The following SLC45A3 variants were observed in gnomAD, a reference collection of about 807,000 sequenced individuals.
SLC45A3 encodes prostate cancer associated protein 2.
SLC45A3 carries 17 observed loss-of-function variants against 35.3 expected under a neutral mutation model. That is an observed-to-expected ratio of 0.48 (90% CI 0.33 to 0.72). The LOEUF is 0.72. Among genes scored for constraint, SLC45A3 ranks in the 30% least tolerant of loss-of-function variants. SLC45A3 has a pLI of 0.02. For missense variants in SLC45A3, 597 were observed against 731.7 expected (o/e 0.82, Z 2.12); for synonymous variants, 288 against 334.3 (o/e 0.86, Z 1.51).
intron 1 of SLC45A3, among the ~76,000 whole-genome samples, chr1:205,674,324 C>A (rs111337602): frequency 0.01 from 1,582 of 152,212 alleles, 30 homozygotes; most frequent in African/African-American, 0.036. Context: ...CAGTGGCTCA[C>A]GCCTGTAATC....
chr1:205,664,605 G>A lies in SLC45A3; in HGVS notation c.52C>T (p.Leu18Phe), dbSNP rs1467633392. 6.2e-7 allele frequency: 1 copy of A among 1,614,284 alleles called. No homozygotes were observed. Residue 18 changes from leucine to phenylalanine, a missense_variant, in exon 2 of 5, where the codon CTC becomes TTC. Physicochemically the swap from Leu to Phe is conservative, Grantham distance 22. Around this residue, in one of 3 missense-constraint regions of SLC45A3, gnomAD observed 37 missense variants for 41.1 expected, o/e 0.90. Transcript: ENST00000367145. This position sits in a 1 kb window ranked among gnomAD's most constrained non-coding sequence, Gnocchi z 5.3. The stretch of plus-strand genomic sequence containing the variant: ...AAGGTTAGCAGGTTGACCAGCAAGA[G>A]CTGGGCTTTCCGGTGCCGCAGCAGG... ...SRLLRHRKAQ[L>F]LLVNLLTFGL...
At position 205,673,519 on chromosome 1, in the gene SLC45A3, T is replaced by C. The variant is rs112429504; in HGVS notation, c.-231+6875A>G. 3.4e-3 allele frequency among the ~76,000 whole-genome samples: 523 copies of C among 152,240 alleles called. 1 individual carries two copies. The highest frequency in any genetic ancestry group is 0.012 in the African/African-American group (501 of 41,534). On this transcript the variant is annotated intron_variant, in intron 1 of 4. Coordinates refer to ENST00000367145, the MANE Select transcript of SLC45A3 (RefSeq NM_033102.3). Reference sequence around the variant, plus strand: ...GTCTTCCCTTTAGCCTGGCCTCCCTTAGGAGGTGAGGTATACAGGAAAGAG... The same window carrying C: ...GTCTTCCCTTTAGCCTGGCCTCCCTCAGGAGGTGAGGTATACAGGAAAGAG...
At chr1:205,675,329 G>A (rs1040228263) in intron 1 of SLC45A3, among the ~76,000 whole-genome samples, 2 of 152,166 alleles carry the variant, frequency 1.3e-5, no homozygotes, top group South Asian at 4.1e-4. Flanking sequence ...TGGGGAGAAG[G>A]CTTCTAGTTT....
rs1571528110 is a variant in SLC45A3, at chr1:205,658,643, G to C, written c.*591C>G. 4 of 232,298 alleles carry C rather than the reference G, an allele frequency of 1.7e-5. No homozygotes were observed. The East Asian group carries it at 2.4e-4, about 14-fold the overall frequency. 14.4% of individuals were successfully genotyped at this position (232,298 alleles called of 1,614,324 possible). ...CAGGCCACATCCTGATAAAAGGTAA[G>C]AGGGGGGTGGATCAGCAAAAAGACA... On this transcript the variant is annotated 3_prime_UTR_variant, in exon 5 of 5. Coordinates refer to ENST00000367145, the MANE Select transcript of SLC45A3 (RefSeq NM_033102.3).
rs1232074164 is a variant in SLC45A3 at position 205,669,747 on chromosome 1, A to T, written c.-230-4861T>A. Reference sequence around the variant, plus strand: ...CTCAGAAGCGGCTCCTCTCCCCTTCACAGCCACCCCGCAGCCCTCCCCACA... The same window carrying T: ...CTCAGAAGCGGCTCCTCTCCCCTTCTCAGCCACCCCGCAGCCCTCCCCACA... On this transcript the variant is annotated intron_variant, in intron 1 of 4. Transcript: ENST00000367145. The surrounding 1 kb of genome is among the most constrained non-coding windows in gnomAD (Gnocchi z 4.1). 2.0e-5 allele frequency among the ~76,000 whole-genome samples: 3 copies of T among 151,998 alleles called. No homozygotes were observed. Among genetic ancestry groups the T allele is most frequent in the African/African-American group, 4.8e-5 (2 of 41,366 alleles).
intron 4 of SLC45A3, among the ~76,000 whole-genome samples, chr1:205,661,521 A>T (rs1001619201): frequency 5.3e-5 from 8 of 152,108 alleles, no homozygotes; most frequent in African/African-American, 1.9e-4. Context: ...CCCAGGGGTC[A>T]TCTGATTCAG....
chr1:205,657,997 C>T lies in SLC45A3; in HGVS notation c.*1237G>A, dbSNP rs1388356470. 1 of 226,824 alleles carries T rather than the reference C, an allele frequency of 4.4e-6. No homozygotes were observed. The highest frequency in any genetic ancestry group is 1.8e-4 in the South Asian group (1 of 5,478). 14.1% of individuals were successfully genotyped at this position (226,824 alleles called of 1,614,324 possible). A position where few individuals can be genotyped will look rare whatever the true frequency, so the allele number is the denominator to read the frequency against. On this transcript the variant is annotated 3_prime_UTR_variant, in exon 5 of 5. Coordinates refer to ENST00000367145, the MANE Select transcript of SLC45A3 (RefSeq NM_033102.3). ...AACCCCCCCTGAGAGATAAGACCTCCCTTAGCTCAGGCAGGGGGTGCTCCT... is the reference window on the plus strand; with the variant it reads ...AACCCCCCCTGAGAGATAAGACCTCTCTTAGCTCAGGCAGGGGGTGCTCCT...
chr1:205,658,686 G>T lies in SLC45A3; in HGVS notation c.*548C>A, dbSNP rs182020186. 4.2e-6 allele frequency: 1 copy of T among 235,482 alleles called. No individual in the cohort carries two copies. Among genetic ancestry groups the T allele is most frequent in the East Asian group, 6.0e-5 (1 of 16,576 alleles). 14.6% of individuals were successfully genotyped at this position (235,482 alleles called of 1,614,324 possible). ...AAAAGACAGTGCTGTGGGCTGAGGG[G>T]ACCTGGTTCTTGTGTGTTGCCCCTC... On this transcript the variant is annotated 3_prime_UTR_variant, in exon 5 of 5. Transcript: ENST00000367145.
At chr1:205,675,752 C>T (rs1671299480) in intron 1 of SLC45A3, among the ~76,000 whole-genome samples, 1 of 152,158 alleles carries the variant, frequency 6.6e-6, no homozygotes, top group Non-Finnish European at 1.5e-5. Context: ...CTTCCCCTTC[C>T]TGGACTGCCT....
chr1:205,664,507 C>A lies in SLC45A3; in HGVS notation c.150G>T (p.Glu50Asp), dbSNP rs972490799. ...CACCCAGCACCATGGTCATGAACTT[C>A]TCCTCTACCCCCACTTCCAGCAGCA... ...PPLLLEVGVE[E>D]KFMTMVLGIG... The change falls in exon 2 of 5, where the codon GAG (glutamate) becomes GAT (aspartate). Residue 50 changes from glutamate to aspartate, a missense_variant. Glu to Asp is a conservative substitution (Grantham distance 45). Around this residue, in one of 3 missense-constraint regions of SLC45A3, gnomAD observed 5 missense variants for 25.6 expected, o/e 0.20. Transcript: ENST00000367145. This position sits in a 1 kb window ranked among gnomAD's most constrained non-coding sequence, Gnocchi z 5.3. The A allele has an allele frequency of 6.2e-7, 1 of 1,614,082 alleles. No homozygotes were observed. The highest frequency in any genetic ancestry group is 8.5e-7 in the Non-Finnish European group (1 of 1,180,034).
chr1:205,674,590 T>G (rs1473787221), intron 1 of SLC45A3, among the ~76,000 whole-genome samples: 1 of 109,884 alleles, frequency 9.1e-6, no homozygotes, highest in Admixed American at 1.0e-4. Flanking sequence ...CCATCCAAAA[T>G]TGATGCTGTT....
At chr1:205,671,078 G>T (rs1035806669) in intron 1 of SLC45A3, among the ~76,000 whole-genome samples, 9 of 152,178 alleles carry the variant, frequency 5.9e-5, no homozygotes, top group African/African-American at 2.2e-4. Context: ...AGGGACAGAG[G>T]GGCAGTCCCT....
chr1:205,673,050 C>T (rs918101187), intron 1 of SLC45A3, among the ~76,000 whole-genome samples: 5 of 152,228 alleles, frequency 3.3e-5, no homozygotes, highest in East Asian at 1.9e-4. Flanking sequence ...ACACCCCAGC[C>T]GCACTTACCC....
At position 205,678,491 on chromosome 1, in the gene SLC45A3, C is replaced by A. The variant is rs148712875; in HGVS notation, c.-231+1903G>T. 7.1e-3 allele frequency among the ~76,000 whole-genome samples: 1,085 copies of A among 152,220 alleles called. 19 individuals carry two copies. Among genetic ancestry groups the A allele is most frequent in the African/African-American group, 0.024 (1,014 of 41,550 alleles). On this transcript the variant is annotated intron_variant, in intron 1 of 4. Coordinates refer to ENST00000367145, the MANE Select transcript of SLC45A3 (RefSeq NM_033102.3). Reference sequence around the variant, plus strand: ...GGGTAAGGGGAGAGCTGGAGAGAGGCCTCCACTATCCCTCCACCACCCAGT... The same window carrying A: ...GGGTAAGGGGAGAGCTGGAGAGAGGACTCCACTATCCCTCCACCACCCAGT...
At position 205,659,508 on chromosome 1, in the gene SLC45A3, G is replaced by A; in HGVS notation, c.1388C>T (p.Ala463Val). The change falls in exon 5 of 5, where the codon GCC (alanine) becomes GTC (valine). Residue 463 changes from alanine to valine, a missense_variant. Around this residue, in one of 3 missense-constraint regions of SLC45A3, gnomAD observed 555 missense variants for 664.9 expected, o/e 0.83. Coordinates refer to ENST00000367145, the MANE Select transcript of SLC45A3 (RefSeq NM_033102.3). This position sits in a 1 kb window ranked among gnomAD's most constrained non-coding sequence, Gnocchi z 5.8. ...LLPPPPALCG[A>V]SACDVSVRVV... ...ACGTACGGAGACATCACAGGCAGAG[G>A]CCCCGCAGAGCGCGGGTGGAGGTGG... The A allele has an allele frequency of 6.2e-7, 1 of 1,612,658 alleles. No homozygotes were observed. The highest frequency in any genetic ancestry group is 8.5e-7 in the Non-Finnish European group (1 of 1,179,100).
Position 205,662,505 on chromosome 1 carries a change from G to A in SLC45A3, c.958+328C>T. On this transcript the variant is annotated intron_variant, in intron 3 of 4. Transcript: ENST00000367145. This position sits in a 1 kb window ranked among gnomAD's most constrained non-coding sequence, Gnocchi z 6.2. ...TTGGAAAGTCGTTGGGGGAGCAGAG[G>A]GCACACTGCGGCTGGAACCAGGCAG... 7.8e-7 allele frequency: 1 copy of A among 1,287,518 alleles called. No individual in the cohort carries two copies. Among genetic ancestry groups the A allele is most frequent in the Non-Finnish European group, 9.8e-7 (1 of 1,018,330 alleles). The allele number at this position is 1,287,518 out of a possible 1,614,324, so 79.8% of individuals were successfully genotyped here.
chr1:205,680,134 G>C (rs1671381145), intron 1 of SLC45A3, among the ~76,000 whole-genome samples: 1 of 151,048 alleles, frequency 6.6e-6, no homozygotes, highest in African/African-American at 2.4e-5. Context: ...CTGCCTGCCC[G>C]CCCTCCGCGG....
At position 205,662,252 on chromosome 1, in the gene SLC45A3, C is replaced by A; in HGVS notation, c.959-126G>T. The A allele has an allele frequency of 6.9e-7, 1 of 1,444,896 alleles. No individual in the cohort carries two copies. The allele number at this position is 1,444,896 out of a possible 1,614,324, so 89.5% of individuals were successfully genotyped here. A position where few individuals can be genotyped will look rare whatever the true frequency, so the allele number is the denominator to read the frequency against. ...ACCTGCTGTGGACCAGCCCTGCTCC[C>A]CAGCACCCTTCCCCTTTCTACCTCT... On this transcript the variant is annotated intron_variant, in intron 3 of 4. Coordinates refer to ENST00000367145, the MANE Select transcript of SLC45A3 (RefSeq NM_033102.3). The surrounding 1 kb of genome is among the most constrained non-coding windows in gnomAD (Gnocchi z 6.2).
In SLC45A3 at chr1:205,674,662, T is replaced by A. The variant is rs190472091; in HGVS notation, c.-231+5732A>T. Among the ~76,000 whole-genome samples, 29 of 151,810 alleles carry A rather than the reference T, an allele frequency of 1.9e-4. 1 individual carries two copies. Among genetic ancestry groups the A allele is most frequent in the African/African-American group, 6.3e-4 (26 of 41,416 alleles). On this transcript the variant is annotated intron_variant, in intron 1 of 4. Transcript: ENST00000367145. ...CATACAAATTTATTTGATCATAGTT[T>A]TGTATGACACAAGAGCCCTTAGAAA...
Sources: gnomAD v4.1 joint callset for allele counts (sites outside exome capture counted in the v4.1 genomes callset) on GRCh38, gnomAD v4.1.1 for gene constraint, gnomAD v4.1.1 regional missense constraint, Gnocchi (gnomAD v3.1) non-coding constraint, MANE v1.5 for transcripts, NCBI Gene and HGNC (gene_info 2026-07-23, HGNC 2026-07-21) for gene names.